Variants in PKHD1L1 observed in about 807,000 individuals in gnomAD.
PKHD1L1 encodes the protein PKHD1 like 1.
Under a neutral mutation model 462.9 loss-of-function variants are expected in PKHD1L1, and 434 were observed. The ratio of observed to expected loss-of-function variants is 0.94; its 90% CI spans 0.87 to 1.02. The LOEUF (loss-of-function observed/expected upper bound fraction) is 1.02. Among genes scored for constraint, PKHD1L1 ranks in the 50% least tolerant of loss-of-function variants. The probability of loss-of-function intolerance (pLI) is 0.00; values close to 1 mark genes in which losing one functional copy is unlikely to be tolerated. For missense variants in PKHD1L1, 5,202 were observed against 5,096.1 expected (o/e 1.02, Z -0.63); for synonymous variants, 1,781 against 1,750.0 (o/e 1.02, Z -0.44).
At chr8:109,388,968 A>T in intron 7 of PKHD1L1, 111 bp from the exon 8 acceptor site, 1 of 698,726 alleles carries the variant, frequency 1.4e-6, no homozygotes, top group Non-Finnish European at 2.3e-6. Flanking sequence ...TGTAGCAACA[A>T]TTTCTGTCCT....
rs374415128 is a variant in PKHD1L1 at position 109,522,225 on chromosome 8, C to T, written c.12071C>T (p.Ser4024Phe). Reference protein sequence around the residue: ...QLSELQEIAGSLGQAVILGNI... With the variant: ...QLSELQEIAGFLGQAVILGNI... The stretch of plus-strand genomic sequence containing the variant: ...TCTGAACTCCAGGAAATTGCTGGTT[C>T]TCTTGGACAAGCTGTAATTTTAGGA... Residue 4024 changes from serine to phenylalanine, a missense_variant, in exon 74 of 78, where the codon TCT becomes TTT. Ser to Phe is a radical substitution (Grantham distance 155, BLOSUM62 -2). Transcript: ENST00000378402. The T allele has an allele frequency of 4.4e-6, 7 of 1,604,890 alleles. No individual in the cohort carries two copies. The highest frequency in any genetic ancestry group is 1.7e-4 in the Middle Eastern group (1 of 6,058).
chr8:109,528,632 C>T (rs1401523319), intron 77 of PKHD1L1, among the ~76,000 whole-genome samples: 1 of 152,154 alleles, frequency 6.6e-6, no homozygotes, highest in African/African-American at 2.4e-5. Context: ...TCCCTTCTTC[C>T]TTCCCACTCT....
In PKHD1L1 at chr8:109,429,899, A is replaced by G. The variant is rs755049345; in HGVS notation, c.3124-33A>G. 4.8e-6 allele frequency: 7 copies of G among 1,450,108 alleles called. No individual in the cohort carries two copies. The Admixed American group carries it at 5.2e-5, about 11-fold the overall frequency. 89.8% of individuals were successfully genotyped at this position (1,450,108 alleles called of 1,614,324 possible). A position where few individuals can be genotyped will look rare whatever the true frequency, so the allele number is the denominator to read the frequency against. ...ATATTCTACTGCTGCCTCTTTGCCC[A>G]TGTTCTGTAGCTTCTTGTTTCTTTA... On this transcript the variant is annotated intron_variant, in intron 26 of 77. Coordinates refer to ENST00000378402, the MANE Select transcript of PKHD1L1 (RefSeq NM_177531.6).
chr8:109,475,063 G>T, intron 50 of PKHD1L1, 55 bp from the exon 51 acceptor site: 1 of 1,456,700 alleles, frequency 6.9e-7, no homozygotes, highest in Admixed American at 2.4e-5. Context: ...ACAAAAGGAG[G>T]AGTTTATTAG....
At position 109,481,526 on chromosome 8, in the gene PKHD1L1, C is replaced by A. The variant is rs200961934; in HGVS notation, c.9421C>A (p.Leu3141Ile). Residue 3141 changes from leucine (L) to isoleucine (I), a missense_variant, in exon 56 of 78, where the codon CTT becomes ATT. Physicochemically the swap from Leu to Ile is conservative, Grantham distance 5. Transcript: ENST00000378402. ...AAATCATACTACACAAGACTGGGCTCTTCCAGAAGGACCAAATCAAGGGGC... is the reference window on the plus strand; with the variant it reads ...AAATCATACTACACAAGACTGGGCTATTCCAGAAGGACCAAATCAAGGGGC... ...RGNHTTQDWA[L>I]PEGPNQGAKV... 1,002 of 1,595,666 alleles carry A rather than the reference C, an allele frequency of 6.3e-4. 13 individuals carry two copies. In the South Asian group the frequency reaches 6.4e-3, roughly 10 times the overall value.
rs756898323 is a variant in PKHD1L1 at position 109,526,892 on chromosome 8, G to GCAA, written c.12596_12598dup (p.Asn4199dup). ...TCTAGCAGTGGCAGCAGCAGCAGCAGCAACAGCAAAGCATCAACTGTGGGT... is the reference window on the plus strand; with the variant it reads ...TCTAGCAGTGGCAGCAGCAGCAGCAGCAACAACAGCAAAGCATCAACTGTGGGT... On this transcript the variant is annotated inframe_insertion, in exon 77 of 78. Transcript: ENST00000378402. 3.6e-5 allele frequency: 58 copies of GCAA among 1,610,936 alleles called. No individual in the cohort carries two copies. The highest frequency in any genetic ancestry group is 4.8e-5 in the Non-Finnish European group (56 of 1,178,630).
At chr8:109,475,367 T>C in intron 51 of PKHD1L1, 98 bp downstream of exon 51, 1 of 1,010,702 alleles carries the variant, frequency 9.9e-7, no homozygotes, top group South Asian at 2.0e-5. Context: ...CCAGAGGGAC[T>C]TTCATCACAA....
chr8:109,370,234 T>G lies in PKHD1L1; in HGVS notation c.163+5598T>G, dbSNP rs530455824. Among the ~76,000 whole-genome samples, 746 of 152,258 alleles carry G rather than the reference T, an allele frequency of 4.9e-3. 9 individuals carry two copies. Among genetic ancestry groups the G allele is most frequent in the Non-Finnish European group, 7.2e-3 (490 of 68,018 alleles). ...CCCAGGTTCAAGTGATTCTCCTGCT[T>G]CAACCTCCCGAGTAGCTGGAATTAC... is the stretch of plus-strand genomic sequence containing the variant. On this transcript the variant is annotated intron_variant, in intron 2 of 77. Transcript: ENST00000378402.
intron 46 of PKHD1L1, among the ~76,000 whole-genome samples, chr8:109,459,347 A>T (rs1378769224): frequency 6.6e-6 from 1 of 152,192 alleles, no homozygotes; most frequent in Non-Finnish European, 1.5e-5. Flanking sequence ...TACTTTTTAT[A>T]AGCTAATCCA....
At chr8:109,526,481 T>C (rs957444885) in intron 76 of PKHD1L1, among the ~76,000 whole-genome samples, 4 of 152,162 alleles carry the variant, frequency 2.6e-5, no homozygotes, top group Non-Finnish European at 5.9e-5. Flanking sequence ...TGTCCCTCAT[T>C]TCCAACAGTT....
At chr8:109,499,499 A>G (rs1168495256) in intron 67 of PKHD1L1, among the ~76,000 whole-genome samples, 1 of 152,012 alleles carries the variant, frequency 6.6e-6, no homozygotes, top group Non-Finnish European at 1.5e-5. Context: ...CCTTGGAGGA[A>G]ATTGTATAAC....
At chr8:109,415,839 C>A (rs376183452) in intron 21 of PKHD1L1, among the ~76,000 whole-genome samples, 3 of 125,554 alleles carry the variant, frequency 2.4e-5, no homozygotes, top group African/African-American at 6.1e-5. Flanking sequence ...CAGAATGAGA[C>A]CTTGTCTTAA....
At chr8:109,519,319 G>A (rs901681482) in intron 73 of PKHD1L1, among the ~76,000 whole-genome samples, 4 of 152,062 alleles carry the variant, frequency 2.6e-5, no homozygotes, top group Non-Finnish European at 5.9e-5. Context: ...TTGGGCACTT[G>A]AGTAAATGCT....
Position 109,439,072 on chromosome 8 carries a change from C to T in PKHD1L1, c.3936C>T (p.Asn1312=), listed in dbSNP as rs1229875572. 6.2e-6 allele frequency: 10 copies of T among 1,612,858 alleles called. No homozygotes were observed. Among genetic ancestry groups the T allele is most frequent in the Non-Finnish European group, 8.5e-6 (10 of 1,179,468 alleles). ...ATGATATCTATGTAGAAGTCAGAAA[C>T]TGGGGTTTTGCATCAACAAGGTATG... ...GKHDIYVEVR[N]WGFASTRDKL... The change falls in exon 32 of 78, where the codon AAC becomes AAT. Residue 1312 remains asparagine (N), a synonymous_variant. Transcript: ENST00000378402.
intron 21 of PKHD1L1, among the ~76,000 whole-genome samples, chr8:109,415,847 T>TAAA (rs71305948): frequency 1.7e-5 from 2 of 117,038 alleles, no homozygotes; most frequent in Admixed American, 8.8e-5. Flanking sequence ...GACCTTGTCT[T>TAAA]AAAAAAAAAA....
chr8:109,369,034 C>T (rs1312019830), intron 2 of PKHD1L1, among the ~76,000 whole-genome samples: 1 of 151,662 alleles, frequency 6.6e-6, no homozygotes, highest in Admixed American at 6.6e-5. Context: ...GGCTGGAGGG[C>T]AATGGCACGA....
intron 35 of PKHD1L1, 45 bp downstream of exon 35, chr8:109,442,240 A>G (rs1490260889): frequency 1.3e-6 from 2 of 1,486,172 alleles, no homozygotes; most frequent in East Asian, 4.6e-5. Context: ...ACTTTTTCCT[A>G]AATGTAATAA....
chr8:109,499,408 A>T (rs1188531460), intron 67 of PKHD1L1: 1 of 152,240 alleles, frequency 6.6e-6, no homozygotes, highest in Non-Finnish European at 1.5e-5. Flanking sequence ...AAGTTTTAAC[A>T]TATTCTTTCT....
intron 2 of PKHD1L1, among the ~76,000 whole-genome samples, chr8:109,376,475 C>A (rs377070441): frequency 6.6e-6 from 1 of 152,190 alleles, no homozygotes; most frequent in Non-Finnish European, 1.5e-5. Context: ...CGCCCTGCTT[C>A]GGCTCACTCA....
Sources: gnomAD v4.1 joint callset for allele counts (sites outside exome capture counted in the v4.1 genomes callset) on GRCh38, gnomAD v4.1.1 for gene constraint, MANE v1.5 for transcripts, NCBI Gene and HGNC (gene_info 2026-07-23, HGNC 2026-07-21) for gene names.